NAV3: variants seen among roughly 807,000 people sequenced by gnomAD.
NAV3 encodes the protein neuron navigator 3.
NAV3 carries 87 observed loss-of-function variants against 244.7 expected under a neutral mutation model. That is an observed-to-expected ratio of 0.36 (90% confidence interval 0.30 to 0.42). The LOEUF (loss-of-function observed/expected upper bound fraction) is 0.42. Ranked by LOEUF, NAV3 falls within the 20% of genes least tolerant of loss-of-function variation. NAV3 has a pLI of 1.00. For missense variants in NAV3, 2,663 were observed against 2,893.3 expected (o/e 0.92, Z 1.83); for synonymous variants, 1,126 against 1,042.2 (o/e 1.08, Z -1.55).
At chr12:77,799,161 A>G (rs142681204) in intron 2 of NAV3, among the ~76,000 whole-genome samples, 38 of 152,328 alleles carry the variant, frequency 2.5e-4, no homozygotes, top group African/African-American at 8.2e-4. Flanking sequence ...GTATCTTTGT[A>G]TAGTATTTGC....
chr12:78,023,116 C>T (rs1236075454), intron 9 of NAV3, among the ~76,000 whole-genome samples: 1 of 152,054 alleles, frequency 6.6e-6, no homozygotes, highest in Non-Finnish European at 1.5e-5. Flanking sequence ...GATGTGTATG[C>T]CTCATATATT....
intron 2 of NAV3, among the ~76,000 whole-genome samples, chr12:77,576,837 C>T (rs1194121920): frequency 1.3e-5 from 2 of 151,734 alleles, no homozygotes; most frequent in Non-Finnish European, 2.9e-5. Context: ...TTAAATGAGG[C>T]CATTTAATTA....
At position 78,050,218 on chromosome 12, in the gene NAV3, C is replaced by G; in HGVS notation, c.2132+117C>G. 3 of 740,718 alleles carry G rather than the reference C, an allele frequency of 4.1e-6. No individual in the cohort carries two copies. The East Asian group carries it at 8.1e-5, about 20-fold the overall frequency. The allele number at this position is 740,718 out of a possible 1,614,324, so 45.9% of individuals were successfully genotyped here. A position where few individuals can be genotyped will look rare whatever the true frequency, so the allele number is the denominator to read the frequency against. On this transcript the variant is annotated intron_variant, in intron 10 of 39. Transcript: ENST00000397909. ...TTCAGTTTCCCCTTACTATTTTCTC[C>G]CTTGTTTTATATCAAATTGATTGGT...
In NAV3 at chr12:78,187,742, C is replaced by T. The variant is rs190646881; in HGVS notation, c.5791-506C>T. Among the ~76,000 whole-genome samples the T allele has an allele frequency of 6.8e-3, 1,033 of 151,794 alleles. 10 individuals carry two copies. Among genetic ancestry groups the T allele is most frequent in the African/African-American group, 0.024 (984 of 41,450 alleles). On this transcript the variant is annotated intron_variant, in intron 31 of 39. Coordinates refer to ENST00000397909, the MANE Select transcript of NAV3 (RefSeq NM_001024383.2). ...TTATCATAGATAACACATTTTAAAGCGAGATTGGATTCTAGATTAAAATTA... is the reference window on the plus strand; with the variant it reads ...TTATCATAGATAACACATTTTAAAGTGAGATTGGATTCTAGATTAAAATTA...
At chr12:78,000,976 TA>T (rs58014765) in intron 7 of NAV3, among the ~76,000 whole-genome samples, 138,442 of 141,330 alleles carry the variant, frequency 0.98, 67,826 homozygotes, top group South Asian at 1. Context: ...AGACTGGGTC[TA>T]AAAAAAAAAA....
At chr12:77,834,711 T>G (rs1874318086) in intron 1 of NAV3, among the ~76,000 whole-genome samples, 1 of 152,244 alleles carries the variant, frequency 6.6e-6, no homozygotes, top group Admixed American at 6.5e-5. Context: ...AAACATCTGA[T>G]ATCCCAATAA....
intron 5 of NAV3, among the ~76,000 whole-genome samples, chr12:77,970,272 C>G (rs1184183336): frequency 2.6e-5 from 4 of 152,110 alleles, no homozygotes; most frequent in African/African-American, 9.7e-5. Flanking sequence ...TACTAACATT[C>G]AGTTAACCTT....
intron 1 of NAV3, among the ~76,000 whole-genome samples, chr12:77,839,664 T>C (rs1875275516): frequency 6.6e-6 from 1 of 152,240 alleles, no homozygotes; most frequent in African/African-American, 2.4e-5. Context: ...AGTATTATAA[T>C]ATTATAAAAG....
chr12:77,812,872 G>A (rs1490899006), intron 2 of NAV3, among the ~76,000 whole-genome samples: 1 of 152,210 alleles, frequency 6.6e-6, no homozygotes, highest in East Asian at 1.9e-4. Flanking sequence ...TGTCACCCAG[G>A]CTGGAGTACA....
intron 2 of NAV3, among the ~76,000 whole-genome samples, chr12:77,825,286 C>T (rs569516493): frequency 6.6e-6 from 1 of 152,168 alleles, no homozygotes; most frequent in African/African-American, 2.4e-5. Context: ...GAAAGAAGAG[C>T]ACCAGAAATG....
chr12:78,196,085 T>G (rs1959170944), intron 34 of NAV3, among the ~76,000 whole-genome samples: 1 of 152,076 alleles, frequency 6.6e-6, no homozygotes. Flanking sequence ...AATGACTTAA[T>G]GTAGCTAAAT....
In NAV3 at chr12:78,016,512, C is replaced by A. The variant is rs1042472402; in HGVS notation, c.1908-5235C>A. 3.9e-5 allele frequency among the ~76,000 whole-genome samples: 6 copies of A among 152,148 alleles called. No homozygotes were observed. In the East Asian group the frequency reaches 1.2e-3, roughly 29 times the overall value. ...GAGTAAATCTTCCATCCACACTAGA[C>A]TTCTGTTCAACCCAACAGTTTCCTG... On this transcript the variant is annotated intron_variant, in intron 8 of 39. Coordinates refer to ENST00000397909, the MANE Select transcript of NAV3 (RefSeq NM_001024383.2).
chr12:77,691,359 A>ATATATATATATATATC (rs1195596212), intron 2 of NAV3, among the ~76,000 whole-genome samples: 1 of 138,254 alleles, frequency 7.2e-6, no homozygotes, highest in African/African-American at 2.7e-5. Context: ...ATATATACAT[A>ATATATATATATATATC]TCCATTCTTG....
intron 7 of NAV3, among the ~76,000 whole-genome samples, chr12:78,003,778 G>A (rs553473388): frequency 1.3e-5 from 2 of 152,326 alleles, no homozygotes; most frequent in African/African-American, 2.4e-5. Context: ...GAGATAACTA[G>A]ACATTAGTTC....
At chr12:77,854,062 G>C (rs1877968768) in intron 1 of NAV3, among the ~76,000 whole-genome samples, 1 of 152,086 alleles carries the variant, frequency 6.6e-6, no homozygotes, top group Admixed American at 6.5e-5. Context: ...TCACCTTTTT[G>C]TCCTCTTCTT....
intron 2 of NAV3, among the ~76,000 whole-genome samples, chr12:77,740,251 T>G (rs1350406398): frequency 6.6e-6 from 1 of 152,168 alleles, no homozygotes; most frequent in Non-Finnish European, 1.5e-5. Flanking sequence ...AGTTCCTATA[T>G]TTGGAATGTG....
At chr12:77,802,023 A>C (rs1871737621) in intron 2 of NAV3, among the ~76,000 whole-genome samples, 1 of 152,186 alleles carries the variant, frequency 6.6e-6, no homozygotes, top group Non-Finnish European at 1.5e-5. Flanking sequence ...ATGATCATGT[A>C]GTCTCTTAGG....
intron 2 of NAV3, among the ~76,000 whole-genome samples, chr12:77,616,366 A>G (rs1208681045): frequency 1.3e-5 from 2 of 152,192 alleles, no homozygotes; most frequent in Admixed American, 1.3e-4. Flanking sequence ...AGATCACACC[A>G]CTGTACTTCC....
At chr12:77,572,315 G>T (rs142368383) in intron 2 of NAV3, 33 of 154,342 alleles carry the variant, frequency 2.1e-4, no homozygotes, top group African/African-American at 7.4e-4. Context: ...CACTTAAAGA[G>T]AATTTTTGAA....
Sources: allele counts gnomAD v4.1 joint callset (sites outside exome capture counted in the v4.1 genomes callset), GRCh38; gene constraint gnomAD v4.1.1; transcripts MANE v1.5; gene names NCBI Gene and HGNC (gene_info 2026-07-23, HGNC 2026-07-21).